ANKRD33B: variants seen among roughly 807,000 people sequenced by gnomAD.
The protein encoded by ANKRD33B is ankyrin repeat domain 33B, also known as ankyrin repeat domain-containing protein 33B.
In ANKRD33B, 6 loss-of-function variants were observed where a neutral mutation model predicts 21.5. The ratio of observed to expected loss-of-function variants is 0.28; its 90% CI spans 0.15 to 0.55. The LOEUF is 0.55. Among genes scored for constraint, ANKRD33B ranks in the 20% least tolerant of loss-of-function variants. The pLI is 0.94. For missense variants in ANKRD33B, 698 were observed against 747.2 expected (o/e 0.93, Z 0.77); for synonymous variants, 347 against 342.4 (o/e 1.01, Z -0.15).
At chr5:10,613,456 T>G (rs910465250) in intron 1 of ANKRD33B, among the ~76,000 whole-genome samples, 3 of 152,024 alleles carry the variant, frequency 2.0e-5, no homozygotes, top group Non-Finnish European at 4.4e-5. Context: ...AGCTAATTTT[T>G]TTTTGTATTT....
chr5:10,638,013 C>T lies in ANKRD33B; in HGVS notation c.497-15C>T. ...GGAAGTGGGAACCAATACACGTGTA[C>T]ACTTCTCTTTACAGGGCACGCTATC... is the stretch of plus-strand genomic sequence containing the variant. On this transcript the variant is annotated splice_polypyrimidine_tract_variant and intron_variant, in intron 2 of 3. Transcript: ENST00000296657. 1 of 1,536,818 alleles carries T rather than the reference C, an allele frequency of 6.5e-7. No homozygotes were observed. The highest frequency in any genetic ancestry group is 8.7e-7 in the Non-Finnish European group (1 of 1,146,562).
At chr5:10,594,188 C>A (rs1735768900) in intron 1 of ANKRD33B, among the ~76,000 whole-genome samples, 1 of 149,112 alleles carries the variant, frequency 6.7e-6, no homozygotes, top group African/African-American at 2.5e-5. Context: ...TCCAATACTG[C>A]AGAAAATATG....
intron 1 of ANKRD33B, among the ~76,000 whole-genome samples, chr5:10,573,311 A>G (rs1412251279): frequency 6.6e-6 from 1 of 152,110 alleles, no homozygotes; most frequent in Non-Finnish European, 1.5e-5. Context: ...TACTAAAAAT[A>G]CAAAAAATTA....
At chr5:10,622,756 C>T (rs1257530841) in intron 2 of ANKRD33B, among the ~76,000 whole-genome samples, 2 of 151,020 alleles carry the variant, frequency 1.3e-5, no homozygotes, top group African/African-American at 4.9e-5. Context: ...TTGAATCTCA[C>T]TGTCTTTACA....
intron 3 of ANKRD33B, among the ~76,000 whole-genome samples, chr5:10,640,183 TAGG>T (rs971928748): frequency 2.0e-5 from 3 of 152,166 alleles, no homozygotes; most frequent in African/African-American, 7.2e-5. Context: ...GTGGTAATGT[TAGG>T]AGGCAACGTG....
intron 1 of ANKRD33B, among the ~76,000 whole-genome samples, chr5:10,586,336 TG>T (rs1162502567): frequency 6.6e-6 from 1 of 152,196 alleles, no homozygotes. Flanking sequence ...GTTCAAGAGT[TG>T]TTTAAGGTTC....
intron 2 of ANKRD33B, among the ~76,000 whole-genome samples, chr5:10,620,620 C>T (rs569577537): frequency 6.6e-6 from 1 of 152,304 alleles, no homozygotes; most frequent in East Asian, 1.9e-4. Context: ...GAGGTGCTTT[C>T]CAGAGTCTTG....
chr5:10,646,594 C>T (rs751611251), intron 3 of ANKRD33B, among the ~76,000 whole-genome samples: 4 of 152,254 alleles, frequency 2.6e-5, no homozygotes, highest in Non-Finnish European at 4.4e-5. Flanking sequence ...AAAAATGTCT[C>T]TTTCAGGCAG....
intron 1 of ANKRD33B, among the ~76,000 whole-genome samples, chr5:10,578,953 C>T (rs1735381032): frequency 1.3e-5 from 2 of 151,944 alleles, no homozygotes; most frequent in Non-Finnish European, 2.9e-5. Context: ...TGCCTGAGCC[C>T]AGGAGTTCAA....
At chr5:10,569,075 T>C (rs1046930511) in intron 1 of ANKRD33B, among the ~76,000 whole-genome samples, 2 of 152,166 alleles carry the variant, frequency 1.3e-5, no homozygotes, top group Non-Finnish European at 2.9e-5. Flanking sequence ...TTCCGAAAGA[T>C]TTATAAGCTC....
Position 10,589,101 on chromosome 5 carries a change from A to AT in ANKRD33B, c.366+24269dup, listed in dbSNP as rs557625267. 1.8e-4 allele frequency among the ~76,000 whole-genome samples: 28 copies of AT among 152,238 alleles called. 1 individual carries two copies. In the South Asian group the frequency reaches 5.8e-3, roughly 32 times the overall value. ...TTCTGCTTTAAGCCTCGGGAACCTG[A>AT]TAAGGTAACCCCCGAGTTCCTGTGC... On this transcript the variant is annotated intron_variant, in intron 1 of 3. Transcript: ENST00000296657.
chr5:10,636,198 G>A (rs1736859037), intron 2 of ANKRD33B, among the ~76,000 whole-genome samples: 1 of 152,242 alleles, frequency 6.6e-6, no homozygotes, highest in Non-Finnish European at 1.5e-5. Flanking sequence ...AAGTTAAGGA[G>A]AGAGTGCATA....
At chr5:10,642,119 A>C (rs1423704284) in intron 3 of ANKRD33B, among the ~76,000 whole-genome samples, 1 of 152,204 alleles carries the variant, frequency 6.6e-6, no homozygotes, top group Non-Finnish European at 1.5e-5. Context: ...TTGAACTGCA[A>C]ACCTTTTTTA....
rs1553990142 is a variant in ANKRD33B, at chr5:10,570,921, T to TTG, written c.366+6088_366+6089insTG. On this transcript the variant is annotated intron_variant, in intron 1 of 3. Transcript: ENST00000296657. ...AAATAACCTTTTTTTTTTTTTTTTT[T>TTG]GTCAATTAGGACTCATTAAAGAAGA... 1.3e-3 allele frequency among the ~76,000 whole-genome samples: 181 copies of TTG among 135,782 alleles called. 1 individual carries two copies. The highest frequency in any genetic ancestry group is 7.5e-3 in the South Asian group (32 of 4,284). The allele number at this position is 135,782 out of a possible 152,430, so 89.1% of individuals were successfully genotyped here. A position where few individuals can be genotyped will look rare whatever the true frequency, so the allele number is the denominator to read the frequency against.
In ANKRD33B at chr5:10,618,407, C is replaced by G; in HGVS notation, c.441C>G (p.Asp147Glu). 6.5e-7 allele frequency: 1 copy of G among 1,537,618 alleles called. No homozygotes were observed. Among genetic ancestry groups the G allele is most frequent in the Non-Finnish European group, 8.7e-7 (1 of 1,146,962 alleles). Reference protein sequence around the residue: ...VVALAECPHVDVNWQDSEGNT... With the variant: ...VVALAECPHVEVNWQDSEGNT... The stretch of plus-strand genomic sequence containing the variant: ...CCTTAGCAGAGTGCCCCCACGTTGA[C>G]GTCAACTGGCAGGACAGCGAGGGGA... The change falls in exon 2 of 4, where the codon GAC becomes GAG. Residue 147 changes from aspartate to glutamate, a missense_variant. By Grantham distance (45) the Asp-to-Glu change is conservative. Coordinates refer to ENST00000296657, the MANE Select transcript of ANKRD33B (RefSeq NM_001164440.2).
intron 1 of ANKRD33B, among the ~76,000 whole-genome samples, chr5:10,581,445 C>T (rs977517349): frequency 6.6e-6 from 1 of 152,234 alleles, no homozygotes; most frequent in African/African-American, 2.4e-5. Flanking sequence ...GGATCCTCTA[C>T]CCTGGATCCG....
intron 1 of ANKRD33B, among the ~76,000 whole-genome samples, chr5:10,578,167 A>C (rs1026465209): frequency 3.9e-5 from 6 of 152,240 alleles, no homozygotes; most frequent in African/African-American, 9.6e-5. Flanking sequence ...TGATCAGCTC[A>C]TTCTAGTTTG....
At chr5:10,581,111 G>A (rs1281380405) in intron 1 of ANKRD33B, among the ~76,000 whole-genome samples, 3 of 152,176 alleles carry the variant, frequency 2.0e-5, no homozygotes, top group Non-Finnish European at 4.4e-5. Context: ...GGCTTTATTG[G>A]TGGGTGTCAT....
chr5:10,586,546 T>C (rs1354717381), intron 1 of ANKRD33B, among the ~76,000 whole-genome samples: 1 of 151,504 alleles, frequency 6.6e-6, no homozygotes, highest in Non-Finnish European at 1.5e-5. Context: ...TACTGCTTTC[T>C]TCTCTTTATT....
Sources: allele counts gnomAD v4.1 joint callset (sites outside exome capture counted in the v4.1 genomes callset), GRCh38; gene constraint gnomAD v4.1.1; transcripts MANE v1.5; gene names NCBI Gene and HGNC (gene_info 2026-07-23, HGNC 2026-07-21).